Variants in ZNF512 observed in about 807,000 individuals in gnomAD.
The protein encoded by ZNF512 is zinc finger protein 512.
A neutral mutation model predicts 77.5 loss-of-function variants in ZNF512; 25 were observed. The ratio of observed to expected loss-of-function variants is 0.32; its 90% CI spans 0.23 to 0.45. The LOEUF (loss-of-function observed/expected upper bound fraction) is 0.45. Ranked by LOEUF, ZNF512 falls within the 20% of genes least tolerant of loss-of-function variation. ZNF512 has a pLI of 1.00. For missense variants in ZNF512, 483 were observed against 692.6 expected (o/e 0.70, Z 3.40); for synonymous variants, 246 against 239.9 (o/e 1.03, Z -0.24).
chr2:27,598,232 A>G lies in ZNF512; in HGVS notation c.255A>G (p.Pro85=). ...TYWMKMRRIK[P]AATSHVEGSG... ...GGATGAAGATGAGAAGAATCAAGCC[A>G]GCTGCTACTTCTCATGTCGAAGGTA... The change falls in exon 3 of 14, where the codon CCA becomes CCG. Residue 85 remains proline, a synonymous_variant. Coordinates refer to ENST00000355467, the MANE Select transcript of ZNF512 (RefSeq NM_032434.4). 3 of 1,613,244 alleles carry G rather than the reference A, an allele frequency of 1.9e-6. No individual in the cohort carries two copies. The highest frequency in any genetic ancestry group is 1.7e-6 in the Non-Finnish European group (2 of 1,179,446).
At chr2:27,620,519 G>T (rs116108885) in intron 13 of ZNF512, among the ~76,000 whole-genome samples, 1,629 of 152,182 alleles carry the variant, frequency 0.011, 16 homozygotes, top group Non-Finnish European at 0.015. Flanking sequence ...GAGGTACAGG[G>T]ACCACTGCAG....
intron 5 of ZNF512, among the ~76,000 whole-genome samples, chr2:27,600,467 C>T (rs1158493366): frequency 6.6e-6 from 1 of 152,132 alleles, no homozygotes; most frequent in African/African-American, 2.4e-5. Context: ...TGGAGCCGTT[C>T]TCAGGTGGTT....
intron 8 of ZNF512, 43 bp from the exon 9 acceptor site, chr2:27,603,097 A>C: frequency 3.7e-6 from 6 of 1,602,684 alleles, no homozygotes; most frequent in Non-Finnish European, 4.3e-6. Context: ...GGATCATGTC[A>C]AAAGATGTAA....
intron 2 of ZNF512, among the ~76,000 whole-genome samples, chr2:27,584,247 TC>T (rs895568321): frequency 2.0e-4 from 30 of 152,302 alleles, no homozygotes; most frequent in African/African-American, 7.2e-4. Flanking sequence ...TCTGTATTTC[TC>T]CAGACATGAA....
chr2:27,597,867 A>G (rs564762146), intron 2 of ZNF512, among the ~76,000 whole-genome samples, 200 bp from the exon 3 acceptor site: 2 of 152,326 alleles, frequency 1.3e-5, no homozygotes, highest in South Asian at 4.1e-4. Flanking sequence ...TACTCTTATT[A>G]CAATGAAGTG....
At chr2:27,595,222 G>A (rs866533444) in intron 2 of ZNF512, among the ~76,000 whole-genome samples, 21 of 151,874 alleles carry the variant, frequency 1.4e-4, no homozygotes, top group African/African-American at 4.6e-4. Flanking sequence ...AAGTTAAAAC[G>A]TTTGGTATTA....
intron 10 of ZNF512, among the ~76,000 whole-genome samples, chr2:27,614,774 C>T (rs1037321697): frequency 2.0e-5 from 3 of 150,974 alleles, no homozygotes; most frequent in African/African-American, 2.4e-5. Flanking sequence ...ATTTCTATGA[C>T]TGAGTACACG....
chr2:27,615,128 G>C, intron 10 of ZNF512, 40 bp from the exon 11 acceptor site: 1 of 1,304,032 alleles, frequency 7.7e-7, no homozygotes, highest in Non-Finnish European at 1.1e-6. Flanking sequence ...TTGGTTGGGA[G>C]TTGTATTTAT....
intron 9 of ZNF512, among the ~76,000 whole-genome samples, chr2:27,606,422 G>A (rs181540419): frequency 6.6e-6 from 1 of 151,750 alleles, no homozygotes; most frequent in South Asian, 2.1e-4. Context: ...GAGTGCAGTG[G>A]TGCGATCTTG....
Position 27,620,327 on chromosome 2 carries a change from T to C in ZNF512, c.1396-826T>C, listed in dbSNP as rs72852161. Reference sequence around the variant, plus strand: ...CATATGTGGCTAGTGGCTATCTCATTGCATGGTGCAAGACTAAAAGCTTCC... The same window carrying C: ...CATATGTGGCTAGTGGCTATCTCATCGCATGGTGCAAGACTAAAAGCTTCC... On this transcript the variant is annotated intron_variant, in intron 13 of 13. Transcript: ENST00000355467. 9.6e-3 allele frequency among the ~76,000 whole-genome samples: 1,457 copies of C among 152,314 alleles called. 24 individuals carry two copies. Among genetic ancestry groups the C allele is most frequent in the African/African-American group, 0.033 (1,371 of 41,558 alleles).
intron 2 of ZNF512, among the ~76,000 whole-genome samples, chr2:27,591,709 T>G (rs1424104217): frequency 6.6e-6 from 1 of 152,242 alleles, no homozygotes; most frequent in Non-Finnish European, 1.5e-5. Context: ...GCGCCCAGCC[T>G]TAAAATTATT....
chr2:27,618,412 C>G (rs1246820251), intron 13 of ZNF512, among the ~76,000 whole-genome samples: 1 of 152,176 alleles, frequency 6.6e-6, no homozygotes, highest in East Asian at 1.9e-4. Context: ...ATTATTGAGA[C>G]AGTTGGGGAA....
chr2:27,612,292 C>T (rs531920500), intron 10 of ZNF512, among the ~76,000 whole-genome samples: 5 of 152,170 alleles, frequency 3.3e-5, no homozygotes, highest in East Asian at 1.9e-4. Flanking sequence ...TAAGACAGGC[C>T]GTAGGCTTAT....
intron 13 of ZNF512, among the ~76,000 whole-genome samples, 184 bp from the exon 14 acceptor site, chr2:27,620,969 G>A (rs1316388290): frequency 1.3e-5 from 2 of 152,206 alleles, no homozygotes; most frequent in African/African-American, 2.4e-5. Context: ...ATATGTGCTT[G>A]TAATAGCTGC....
intron 9 of ZNF512, 112 bp from the exon 10 acceptor site, chr2:27,607,733 A>C (rs913915812): frequency 2.0e-6 from 2 of 982,738 alleles, no homozygotes; most frequent in Non-Finnish European, 3.0e-6. Flanking sequence ...AGTGGTTAGC[A>C]ATCTACTACA....
At chr2:27,613,066 A>G (rs1303091542) in intron 10 of ZNF512, among the ~76,000 whole-genome samples, 1 of 152,212 alleles carries the variant, frequency 6.6e-6, no homozygotes, top group Non-Finnish European at 1.5e-5. Flanking sequence ...ACCTCCAAAG[A>G]TAACCAAACT....
intron 10 of ZNF512, among the ~76,000 whole-genome samples, chr2:27,611,930 T>C (rs556371373): frequency 6.6e-6 from 1 of 152,264 alleles, no homozygotes; most frequent in Admixed American, 6.5e-5. Context: ...ACTCCTGATC[T>C]TGTGATCCAC....
At chr2:27,600,635 T>G in intron 5 of ZNF512, 56 bp from the exon 6 acceptor site, 1 of 1,577,022 alleles carries the variant, frequency 6.3e-7, no homozygotes, top group Non-Finnish European at 8.6e-7. Flanking sequence ...GGGATTATGC[T>G]TTTTGTTTCT....
At chr2:27,620,874 C>T (rs1475410685) in intron 13 of ZNF512, among the ~76,000 whole-genome samples, 2 of 152,124 alleles carry the variant, frequency 1.3e-5, no homozygotes, top group Non-Finnish European at 2.9e-5. Flanking sequence ...GAGATTTATA[C>T]TCAGGAGATA....
Sources: gnomAD v4.1 joint callset for allele counts (sites outside exome capture counted in the v4.1 genomes callset) on GRCh38, gnomAD v4.1.1 for gene constraint, MANE v1.5 for transcripts, NCBI Gene and HGNC (gene_info 2026-07-23, HGNC 2026-07-21) for gene names.